MAGI2: variants seen among roughly 807,000 people sequenced by gnomAD.
The protein encoded by MAGI2 is membrane-associated guanylate kinase, WW and PDZ domain-containing protein 2.
In MAGI2, 35 loss-of-function variants were observed where a neutral mutation model predicts 133.3. That is an observed-to-expected ratio of 0.26 (90% confidence interval 0.20 to 0.35). MAGI2 has a LOEUF of 0.35. Ranked by LOEUF, MAGI2 falls within the 10% of genes least tolerant of loss-of-function variation. The pLI, the probability that MAGI2 is intolerant of heterozygous loss-of-function variation, is 1.00. For synonymous variants in MAGI2, 729 were observed against 710.6 expected, an observed-to-expected ratio of 1.03 and a Z score of -0.41; for missense variants, 1,636 against 1,863.4, an observed-to-expected ratio of 0.88 and a Z score of 2.25.
intron 2 of MAGI2, among the ~76,000 whole-genome samples, chr7:78,998,971 G>A (rs1359574853): frequency 2.0e-5 from 3 of 152,094 alleles, no homozygotes; most frequent in Non-Finnish European, 4.4e-5. Context: ...TCCCTGAAAG[G>A]TGCGTTATTT....
intron 3 of MAGI2, among the ~76,000 whole-genome samples, chr7:78,554,949 C>CA (rs1315412929): frequency 7.2e-5 from 11 of 151,816 alleles, no homozygotes; most frequent in Admixed American, 5.3e-4. Context: ...AGTTAGAGAC[C>CA]AGCCTGGGCA....
intron 21 of MAGI2, among the ~76,000 whole-genome samples, chr7:78,030,781 GGAATAAATGGTA>G (rs200592447): frequency 0.01 from 1,580 of 152,248 alleles, 32 homozygotes; most frequent in African/African-American, 0.03. Flanking sequence ...AATGTTGTCC[GGAATAAATGGTA>G]GAACAGCCAC....
At chr7:78,497,552 C>A (rs999338698) in intron 5 of MAGI2, among the ~76,000 whole-genome samples, 5 of 152,024 alleles carry the variant, frequency 3.3e-5, no homozygotes, top group African/African-American at 9.7e-5. Context: ...AACTATTTTG[C>A]AATATCACAT....
chr7:79,405,518 C>T (rs1297200553), intron 1 of MAGI2, among the ~76,000 whole-genome samples: 1 of 152,086 alleles, frequency 6.6e-6, no homozygotes, highest in African/African-American at 2.4e-5. Flanking sequence ...CCTTTGGAAA[C>T]AAAAGTTCAA....
intron 1 of MAGI2, among the ~76,000 whole-genome samples, chr7:79,257,093 G>T (rs182569873): frequency 2.6e-4 from 40 of 152,086 alleles, no homozygotes; most frequent in African/African-American, 8.4e-4. Context: ...ATTAGCTACA[G>T]TTAGCCATTC....
At chr7:78,735,604 T>A (rs1237321963) in intron 2 of MAGI2, among the ~76,000 whole-genome samples, 1 of 152,212 alleles carries the variant, frequency 6.6e-6, no homozygotes, top group African/African-American at 2.4e-5. Flanking sequence ...CACACTCTTA[T>A]AGAACAAATC....
At chr7:79,288,603 T>G (rs1245685181) in intron 1 of MAGI2, among the ~76,000 whole-genome samples, 1 of 152,162 alleles carries the variant, frequency 6.6e-6, no homozygotes, top group Non-Finnish European at 1.5e-5. Context: ...AATTGTATAA[T>G]AAAATATCAT....
intron 3 of MAGI2, among the ~76,000 whole-genome samples, chr7:78,550,284 C>A (rs1379789713): frequency 1.3e-5 from 2 of 152,144 alleles, no homozygotes; most frequent in African/African-American, 2.4e-5. Flanking sequence ...GGCACCCATT[C>A]TTTGGGCACC....
chr7:78,343,770 G>T lies in MAGI2; in HGVS notation c.1408+8C>A. 6.6e-7 allele frequency: 1 copy of T among 1,525,308 alleles called. No individual in the cohort carries two copies. The highest frequency in any genetic ancestry group is 1.3e-5 in the South Asian group (1 of 75,400). The allele number at this position is 1,525,308 out of a possible 1,614,324, so 94.5% of individuals were successfully genotyped here. ...CAAAACAATTTTCTAAACCATGAAGGACCTTACCTGTTTCCATTTTTCCAT... is the reference window on the plus strand; with the variant it reads ...CAAAACAATTTTCTAAACCATGAAGTACCTTACCTGTTTCCATTTTTCCAT... On this transcript the variant is annotated splice_region_variant and intron_variant, in intron 9 of 21. Coordinates refer to ENST00000354212, the MANE Select transcript of MAGI2 (RefSeq NM_012301.4).
intron 2 of MAGI2, among the ~76,000 whole-genome samples, chr7:78,811,542 A>G (rs943114440): frequency 6.6e-6 from 1 of 152,178 alleles, no homozygotes; most frequent in African/African-American, 2.4e-5. Flanking sequence ...ATTCTTTATA[A>G]AGGTCATTTA....
Position 78,972,938 on chromosome 7 carries a change from TACACACAC to T in MAGI2, c.418+34144_418+34151del, listed in dbSNP as rs3069435. The stretch of plus-strand genomic sequence containing the variant: ...TGTGATTCTGTGCTCTTGTTGCTTT[TACACACAC>T]ACACACACACACACACACACACACA... On this transcript the variant is annotated intron_variant, in intron 2 of 21. Coordinates refer to ENST00000354212, the MANE Select transcript of MAGI2 (RefSeq NM_012301.4). 7.3e-3 allele frequency among the ~76,000 whole-genome samples: 1,077 copies of T among 148,018 alleles called. 8 individuals are homozygous for T. Among genetic ancestry groups the T allele is most frequent in the African/African-American group, 0.019 (781 of 40,510 alleles).
intron 1 of MAGI2, among the ~76,000 whole-genome samples, chr7:79,025,206 A>G (rs1809758673): frequency 6.6e-6 from 1 of 152,176 alleles, no homozygotes. Context: ...TTGCAGTACC[A>G]TGGATAGAGT....
intron 3 of MAGI2, among the ~76,000 whole-genome samples, chr7:78,543,163 A>C (rs572757867): frequency 6.6e-6 from 1 of 152,334 alleles, no homozygotes; most frequent in Admixed American, 6.5e-5. Flanking sequence ...AAAGGACAAA[A>C]GCTTCATTCA....
At chr7:78,386,709 G>A (rs1162310559) in intron 6 of MAGI2, among the ~76,000 whole-genome samples, 1 of 152,136 alleles carries the variant, frequency 6.6e-6, no homozygotes, top group Non-Finnish European at 1.5e-5. Context: ...ATCATATTGA[G>A]CAGTGACAGT....
chr7:78,151,882 T>C (rs1183180927), intron 16 of MAGI2, among the ~76,000 whole-genome samples: 1 of 152,100 alleles, frequency 6.6e-6, no homozygotes, highest in African/African-American at 2.4e-5. Context: ...AGTCTTCCTT[T>C]TGATGAGGAT....
chr7:78,942,515 A>C (rs913971859), intron 2 of MAGI2, among the ~76,000 whole-genome samples: 2 of 152,144 alleles, frequency 1.3e-5, no homozygotes, highest in Non-Finnish European at 2.9e-5. Flanking sequence ...TGCTCCCTTC[A>C]AACTTAGCAT....
intron 9 of MAGI2, among the ~76,000 whole-genome samples, chr7:78,257,309 A>G (rs775828376): frequency 4.6e-5 from 7 of 152,236 alleles, no homozygotes; most frequent in Non-Finnish European, 5.9e-5. Context: ...TATGACACAC[A>G]GTGCTCAATA....
intron 4 of MAGI2, among the ~76,000 whole-genome samples, chr7:78,505,342 T>A (rs1794990012): frequency 1.3e-5 from 2 of 152,128 alleles, no homozygotes; most frequent in Admixed American, 1.3e-4. Context: ...GTATTGCCCT[T>A]AAGAGGGAAA....
At chr7:78,121,139 T>C (rs147872752) in intron 20 of MAGI2, among the ~76,000 whole-genome samples, 146 of 150,838 alleles carry the variant, frequency 9.7e-4, no homozygotes, top group African/African-American at 3.3e-3. Flanking sequence ...AAAGTAAAAC[T>C]ATACAACTTT....
Sources: allele counts gnomAD v4.1 joint callset (sites outside exome capture counted in the v4.1 genomes callset), GRCh38; gene constraint gnomAD v4.1.1; transcripts MANE v1.5; gene names NCBI Gene and HGNC (gene_info 2026-07-23, HGNC 2026-07-21).